DMD: variants seen among roughly 807,000 people sequenced by gnomAD.
DMD encodes the protein dystrophin.
DMD carries 63 observed loss-of-function variants against 330.1 expected under a neutral mutation model. That is an observed-to-expected ratio of 0.19 (90% CI 0.16 to 0.24). The LOEUF (loss-of-function observed/expected upper bound fraction) is 0.24. Ranked by LOEUF, DMD falls within the 10% of genes least tolerant of loss-of-function variation. The pLI, the probability that DMD is intolerant of heterozygous loss-of-function variation, is 1.00. For synonymous variants in DMD, 1,223 were observed against 959.8 expected (o/e 1.27, Z -5.07); for missense variants, 3,344 against 2,684.1 (o/e 1.25, Z -5.43).
intron 44 of DMD, among the ~76,000 whole-genome samples, chrX:31,987,736 G>T (rs1372175096): frequency 1.8e-5 from 2 of 111,878 alleles, no homozygotes; most frequent in Admixed American, 1.9e-4. Flanking sequence ...ATGCACTGTT[G>T]GTGGGAATGT....
chrX:31,127,026 A>G (rs1035029325), intron 77 of DMD, among the ~76,000 whole-genome samples: 6 of 111,838 alleles, frequency 5.4e-5, no homozygotes, highest in African/African-American at 1.9e-4. Flanking sequence ...CTTAATGTTA[A>G]AAAAAGTCTC....
At chrX:31,621,912 C>T (rs1245358967) in intron 55 of DMD, among the ~76,000 whole-genome samples, 2 of 112,184 alleles carry the variant, frequency 1.8e-5, no homozygotes, top group African/African-American at 3.2e-5. Context: ...ACCTAAATAA[C>T]TCCTAACAAT....
intron 43 of DMD, among the ~76,000 whole-genome samples, chrX:32,229,681 CATAT>C (rs55916475): frequency 0.087 from 2,099 of 24,201 alleles, 64 homozygotes; most frequent in East Asian, 0.14. Context: ...AGAGTTTCAT[CATAT>C]ATATATATAT....
At chrX:32,418,673 G>T (rs191101731) in intron 29 of DMD, among the ~76,000 whole-genome samples, 1 of 111,052 alleles carries the variant, frequency 9.0e-6, no homozygotes, top group East Asian at 2.8e-4. Flanking sequence ...GGACCACTAA[G>T]AATGTTCTAT....
At chrX:32,761,599 G>A (rs1006755407) in intron 7 of DMD, among the ~76,000 whole-genome samples, 6 of 111,725 alleles carry the variant, frequency 5.4e-5, no homozygotes, top group African/African-American at 2.0e-4. Flanking sequence ...TGTCAGTGGA[G>A]TTACATAAAC....
chrX:32,104,388 C>T (rs1348009116), intron 44 of DMD, among the ~76,000 whole-genome samples: 1 of 111,061 alleles, frequency 9.0e-6, no homozygotes, highest in East Asian at 2.9e-4. Flanking sequence ...TAAAGCAACC[C>T]ACCCAACATC....
chrX:31,655,959 C>T (rs2080760066), intron 54 of DMD, among the ~76,000 whole-genome samples: 1 of 112,088 alleles, frequency 8.9e-6, no homozygotes, highest in Non-Finnish European at 1.9e-5. Flanking sequence ...TAGCTTTGGA[C>T]CTCTTCAATG....
intron 21 of DMD, among the ~76,000 whole-genome samples, chrX:32,474,200 T>TACACACACACACACAC (rs770330585): frequency 5.7e-5 from 6 of 104,922 alleles, no homozygotes; most frequent in African/African-American, 1.5e-4. Context: ...CATATATACA[T>TACACACACACACACAC]ACATACATAC....
chrX:31,558,059 G>A (rs998151162), intron 55 of DMD, among the ~76,000 whole-genome samples: 2 of 111,721 alleles, frequency 1.8e-5, no homozygotes, highest in African/African-American at 6.5e-5. Context: ...GAATAATTTC[G>A]CTTATAACAA....
chrX:32,645,358 C>T (rs1377452234), intron 9 of DMD, among the ~76,000 whole-genome samples: 1 of 111,872 alleles, frequency 8.9e-6, no homozygotes, highest in African/African-American at 3.2e-5. Flanking sequence ...CGGTCAAAAT[C>T]CACACCAAAT....
intron 9 of DMD, among the ~76,000 whole-genome samples, chrX:32,685,933 A>G (rs1030752925): frequency 8.9e-6 from 1 of 112,041 alleles, no homozygotes; most frequent in African/African-American, 3.2e-5. Flanking sequence ...AAGTCACTCT[A>G]ATTATTACTA....
intron 9 of DMD, among the ~76,000 whole-genome samples, chrX:32,663,430 A>T (rs2061079717): frequency 8.9e-6 from 1 of 112,114 alleles, no homozygotes; most frequent in Non-Finnish European, 1.9e-5. Context: ...ATAATTTTTT[A>T]CAAAATTATT....
At chrX:32,290,096 T>C (rs975358312) in intron 42 of DMD, among the ~76,000 whole-genome samples, 4 of 112,031 alleles carry the variant, frequency 3.6e-5, no homozygotes, top group Admixed American at 9.5e-5. Flanking sequence ...TTAGGTTTAT[T>C]GCATTACTTG....
In DMD at chrX:33,230,600, G is replaced by C. The variant is rs151222706; in HGVS notation, c.7+108659C>G. Reference sequence around the variant, plus strand: ...TGGAATAATAGATTTTCAGCAAAAGGAGGGAGTTGCATATATCTGACCTTT... The same window carrying C: ...TGGAATAATAGATTTTCAGCAAAAGCAGGGAGTTGCATATATCTGACCTTT... On this transcript the variant is annotated intron_variant, in intron 1 of 17. Coordinates refer to the DMD transcript ENST00000288447. Among the ~76,000 whole-genome samples the C allele has an allele frequency of 4.9e-3, 549 of 111,118 alleles. 3 individuals are homozygous for C. The highest frequency in any genetic ancestry group is 0.017 in the African/African-American group (523 of 30,650).
At position 31,657,130 on chromosome X, in the gene DMD, T is replaced by C. The variant is rs577255224; in HGVS notation, c.8027+860A>G. Among the ~76,000 whole-genome samples the C allele has an allele frequency of 3.6e-5, 4 of 112,055 alleles. No homozygotes were observed. The East Asian group carries it at 1.1e-3, about 31-fold the overall frequency. On this transcript the variant is annotated intron_variant, in intron 54 of 78. Transcript: ENST00000357033. Reference sequence around the variant, plus strand: ...CTTATTTTTTCAGTAATTGATGTCATATTTTGGAACTCAATTATTTTTCAC... The same window carrying C: ...CTTATTTTTTCAGTAATTGATGTCACATTTTGGAACTCAATTATTTTTCAC...
chrX:31,350,634 A>T (rs2704915), intron 60 of DMD, among the ~76,000 whole-genome samples: 400 of 25,492 alleles, frequency 0.016, 1 homozygote, highest in Admixed American at 0.022. Flanking sequence ...TGTGTGTGTG[A>T]GAGAGAGAGA....
intron 4 of DMD, among the ~76,000 whole-genome samples, chrX:32,840,706 T>A (rs1205128516): frequency 8.9e-6 from 1 of 112,274 alleles, no homozygotes; most frequent in Non-Finnish European, 1.9e-5. Flanking sequence ...TTGTCTGATT[T>A]ATTTCACTCA....
At chrX:32,063,135 A>T (rs944513432) in intron 44 of DMD, among the ~76,000 whole-genome samples, 1 of 109,524 alleles carries the variant, frequency 9.1e-6, no homozygotes, top group Non-Finnish European at 1.9e-5. Context: ...CACATGTTAT[A>T]CTTTTCCATT....
chrX:31,479,218 A>G (rs1246670457), intron 57 of DMD, 115 bp from the exon 58 acceptor site: 13 of 827,078 alleles, frequency 1.6e-5, no homozygotes, highest in Non-Finnish European at 2.1e-5. Context: ...TATCTCTTTT[A>G]TTTATACACT....
Sources: allele counts gnomAD v4.1 joint callset (sites outside exome capture counted in the v4.1 genomes callset), GRCh38; gene constraint gnomAD v4.1.1; transcripts MANE v1.5; gene names NCBI Gene and HGNC (gene_info 2026-07-23, HGNC 2026-07-21).